Variants in SERPINB2 observed in about 807,000 individuals in gnomAD.
SERPINB2 encodes the protein plasminogen activator inhibitor 2.
A neutral mutation model predicts 39.4 loss-of-function variants in SERPINB2; 28 were observed. The observed-to-expected ratio is 0.71, with a 90% CI of 0.53 to 0.97. SERPINB2 has a LOEUF of 0.97. SERPINB2 is among the 50% of genes least tolerant of loss of function. The pLI is 0.00. For synonymous variants in SERPINB2, 209 were observed against 175.1 expected (o/e 1.19, Z -1.53); for missense variants, 557 against 505.3 (o/e 1.10, Z -0.98).
At chr18:63,901,707 A>C in intron 5 of SERPINB2, 33 bp from the exon 6 acceptor site, 1 of 1,461,166 alleles carries the variant, frequency 6.8e-7, no homozygotes, top group Non-Finnish European at 9.1e-7. Flanking sequence ...GTTCTTGATT[A>C]TGAAACCTAA....
intron 2 of SERPINB2, among the ~76,000 whole-genome samples, chr18:63,894,943 C>G (rs867732518): frequency 4.0e-5 from 6 of 151,312 alleles, no homozygotes; most frequent in Admixed American, 3.9e-4. Context: ...ATTTTTTTTT[C>G]AAGACCATTT....
chr18:63,890,491 G>A (rs2049918752), intron 1 of SERPINB2: 1 of 152,224 alleles, frequency 6.6e-6, no homozygotes, highest in Admixed American at 6.5e-5. Flanking sequence ...AAAACATACA[G>A]CTGGAAAGAC....
Position 63,903,708 on chromosome 18 carries a change from T to C in SERPINB2, c.*403T>C, listed in dbSNP as rs2050009389. 1 of 153,210 alleles carries C rather than the reference T, an allele frequency of 6.5e-6. No individual in the cohort carries two copies. Among genetic ancestry groups the C allele is most frequent in the Non-Finnish European group, 1.5e-5 (1 of 68,804 alleles). The allele number at this position is 153,210 out of a possible 1,614,324, so 9.5% of individuals were successfully genotyped here. A position where few individuals can be genotyped will look rare whatever the true frequency, so the allele number is the denominator to read the frequency against. Reference sequence around the variant, plus strand: ...ATCTAATAAATGCCTTTAATTGTTCTCATAATGAAGAATAAGTAGGTATCC... The same window carrying C: ...ATCTAATAAATGCCTTTAATTGTTCCCATAATGAAGAATAAGTAGGTATCC... On this transcript the variant is annotated 3_prime_UTR_variant, in exon 8 of 8. Coordinates refer to ENST00000299502, the MANE Select transcript of SERPINB2 (RefSeq NM_002575.3).
chr18:63,889,482 T>C (rs2049911696), intron 1 of SERPINB2, among the ~76,000 whole-genome samples: 1 of 152,224 alleles, frequency 6.6e-6, no homozygotes, highest in South Asian at 2.1e-4. Context: ...GTATGAATTG[T>C]TACAAAGAAT....
chr18:63,903,331 G>T lies in SERPINB2; in HGVS notation c.*26G>T, dbSNP rs773563491. On this transcript the variant is annotated 3_prime_UTR_variant, in exon 8 of 8. Coordinates refer to ENST00000299502, the MANE Select transcript of SERPINB2 (RefSeq NM_002575.3). ...AACTAAGCGTGCTGCTTCTGCAAAA[G>T]ATTTTTGTAGATGAGCTGTGTGCCT... is the stretch of plus-strand genomic sequence containing the variant. 6.8e-7 allele frequency: 1 copy of T among 1,471,112 alleles called. No individual in the cohort carries two copies. The highest frequency in any genetic ancestry group is 9.0e-7 in the Non-Finnish European group (1 of 1,111,286). The allele number at this position is 1,471,112 out of a possible 1,614,324, so 91.1% of individuals were successfully genotyped here.
intron 2 of SERPINB2, among the ~76,000 whole-genome samples, chr18:63,894,521 A>C (rs2049946552): frequency 6.6e-6 from 1 of 151,994 alleles, no homozygotes; most frequent in Non-Finnish European, 1.5e-5. Flanking sequence ...AGGAGGTGGG[A>C]TGGGGTGGGT....
chr18:63,892,329 TG>T (rs2049931969), intron 2 of SERPINB2, among the ~76,000 whole-genome samples: 1 of 151,966 alleles, frequency 6.6e-6, no homozygotes, highest in Non-Finnish European at 1.5e-5. Context: ...TGAATGGACG[TG>T]GACTCAGTCA....
At chr18:63,891,293 C>A in intron 1 of SERPINB2, 143 bp from the exon 2 acceptor site, 2 of 836,070 alleles carry the variant, frequency 2.4e-6, no homozygotes, top group Non-Finnish European at 3.7e-6. Flanking sequence ...CTGTCCCTGA[C>A]CTGCCTCATG....
At chr18:63,895,438 G>A (rs1238172897) in intron 3 of SERPINB2, 55 bp downstream of exon 3, 3 of 1,610,804 alleles carry the variant, frequency 1.9e-6, no homozygotes, top group South Asian at 2.2e-5. Flanking sequence ...CAATCTTCCT[G>A]TCTTAAAGCC....
At chr18:63,897,641 T>G in intron 4 of SERPINB2, 86 bp from the exon 5 acceptor site, 1 of 1,001,918 alleles carries the variant, frequency 1.0e-6, no homozygotes, top group Non-Finnish European at 1.6e-6. Flanking sequence ...TCTCCTAATT[T>G]CAATGGGAAG....
rs1230998933 is a variant in SERPINB2, at chr18:63,901,847, A to C, written c.643A>C (p.Lys215Gln). 6.2e-7 allele frequency: 1 copy of C among 1,603,734 alleles called. No individual in the cohort carries two copies. The highest frequency in any genetic ancestry group is 8.5e-7 in the Non-Finnish European group (1 of 1,177,158). The change falls in exon 6 of 8, where the codon AAA becomes CAA. Residue 215 changes from lysine to glutamine, a missense_variant. Transcript: ENST00000299502. The part of the protein sequence containing the change: ...KGKWKTPFEK[K>Q]LNGLYPFRVN... ...AAAGTGGAAAACTCCATTTGAGAAGAAACTAAATGGGCTTTATCCTTTCCG... is the reference window on the plus strand; with the variant it reads ...AAAGTGGAAAACTCCATTTGAGAAGCAACTAAATGGGCTTTATCCTTTCCG...
At chr18:63,897,633 T>C in intron 4 of SERPINB2, 94 bp from the exon 5 acceptor site, 1 of 930,566 alleles carries the variant, frequency 1.1e-6, no homozygotes, top group South Asian at 1.4e-5. Context: ...ACCCCAGGTC[T>C]CCTAATTTCA....
chr18:63,895,434 TC>T, intron 3 of SERPINB2, 51 bp downstream of exon 3: 1 of 1,612,464 alleles, frequency 6.2e-7, no homozygotes, highest in Non-Finnish European at 8.5e-7. Flanking sequence ...TTTGCAATCT[TC>T]CTGTCTTAAA....
chr18:63,903,018 A>G lies in SERPINB2; in HGVS notation c.961A>G (p.Arg321Gly), dbSNP rs1473947897. 9.9e-6 allele frequency: 16 copies of G among 1,613,792 alleles called. No individual in the cohort carries two copies. The highest frequency in any genetic ancestry group is 2.2e-5 in the East Asian group (1 of 44,884). The change falls in exon 8 of 8, where the codon AGA (arginine) becomes GGA (glycine). Residue 321 changes from arginine (R) to glycine (G), a missense_variant. Transcript: ENST00000299502. Reference sequence around the variant, plus strand: ...CAAATTAGAAGAGCATTATGAACTCAGATCCATTCTGAGAAGCATGGGCAT... The same window carrying G: ...CAAATTAGAAGAGCATTATGAACTCGGATCCATTCTGAGAAGCATGGGCAT... Reference protein sequence around the residue: ...QFKLEEHYELRSILRSMGMED... With the variant: ...QFKLEEHYELGSILRSMGMED...
At chr18:63,888,428 G>T (rs1168487481) in intron 1 of SERPINB2, among the ~76,000 whole-genome samples, 1 of 152,216 alleles carries the variant, frequency 6.6e-6, no homozygotes, top group Admixed American at 6.5e-5. Context: ...TCAACTAGGA[G>T]AAATTGCTTT....
At chr18:63,892,537 A>G (rs1179246960) in intron 2 of SERPINB2, 1 of 152,190 alleles carries the variant, frequency 6.6e-6, no homozygotes, top group Non-Finnish European at 1.5e-5. Context: ...ATTAACATTA[A>G]ATGCTTTAAG....
chr18:63,902,486 T>C lies in SERPINB2; in HGVS notation c.761T>C (p.Leu254Pro), dbSNP rs1568238401. Residue 254 changes from leucine to proline, a missense_variant, in exon 7 of 8, where the codon CTA (leucine) becomes CCA (proline). Coordinates refer to ENST00000299502, the MANE Select transcript of SERPINB2 (RefSeq NM_002575.3). Reference protein sequence around the residue: ...GYIEDLKAQILELPYAGDVSM... With the variant: ...GYIEDLKAQIPELPYAGDVSM... ...ATAGAAGACCTAAAGGCTCAGATTC[T>C]AGAACTCCCATATGCTGGAGATGTT... The C allele has an allele frequency of 1.9e-6, 3 of 1,613,732 alleles. No individual in the cohort carries two copies. Among genetic ancestry groups the C allele is most frequent in the Non-Finnish European group, 2.5e-6 (3 of 1,179,736 alleles).
At chr18:63,895,511 C>T (rs1395298973) in intron 3 of SERPINB2, 128 bp downstream of exon 3, 8 of 1,184,702 alleles carry the variant, frequency 6.8e-6, no homozygotes, top group Non-Finnish European at 9.8e-6. Context: ...AAAACTAAGA[C>T]TCAGAGTCAT....
At chr18:63,895,923 T>C (rs2049956755) in intron 3 of SERPINB2, among the ~76,000 whole-genome samples, 1 of 149,878 alleles carries the variant, frequency 6.7e-6, no homozygotes, top group African/African-American at 2.6e-5. Flanking sequence ...CTATTTATCA[T>C]CTATCTTCTC....
Sources: allele counts gnomAD v4.1 joint callset (sites outside exome capture counted in the v4.1 genomes callset), GRCh38; gene constraint gnomAD v4.1.1; transcripts MANE v1.5; gene names NCBI Gene and HGNC (gene_info 2026-07-23, HGNC 2026-07-21).